The following TOP6BL variants were observed in gnomAD, a reference collection of about 807,000 sequenced individuals.
The protein encoded by TOP6BL is TOP6B like initiator of meiotic double strand breaks.
the TOP6BL span, among the ~76,000 whole-genome samples, chr11:66,757,302 C>G: frequency 6.6e-6 from 1 of 152,004 alleles, no homozygotes; most frequent in African/African-American, 2.4e-5. Context: ...GAGATTGTGC[C>G]ACTTCACTCC....
At chr11:66,772,348 A>G in the TOP6BL span, among the ~76,000 whole-genome samples, 3 of 152,222 alleles carry the variant, frequency 2.0e-5, no homozygotes, top group Non-Finnish European at 2.9e-5. Context: ...CTGCATGCCT[A>G]TAGTCCTAGC....
At chr11:66,788,203 G>T in the TOP6BL span, 6 of 1,613,790 alleles carry the variant, frequency 3.7e-6, no homozygotes, top group African/African-American at 6.7e-5. Flanking sequence ...AGCTGACTTG[G>T]ACTTCAGAGG....
the TOP6BL span, among the ~76,000 whole-genome samples, chr11:66,827,966 G>GAAAAAAAA: frequency 6.6e-5 from 2 of 30,116 alleles, no homozygotes; most frequent in African/African-American, 1.1e-4. Context: ...CTCTGTCTCA[G>GAAAAAAAA]AAAAAAAAAA....
At chr11:66,836,724 G>A in the TOP6BL span, among the ~76,000 whole-genome samples, 3 of 109,532 alleles carry the variant, frequency 2.7e-5, no homozygotes, top group African/African-American at 1.0e-4. Flanking sequence ...TTTTTGAGAT[G>A]GAGTCTTGCC....
At chr11:66,748,439 C>T in the TOP6BL span, 2 of 1,547,874 alleles carry the variant, frequency 1.3e-6, no homozygotes, top group Non-Finnish European at 1.7e-6. Flanking sequence ...GGGAGCATTG[C>T]TAGAAGGGCA....
chr11:66,769,204 A>G, the TOP6BL span, among the ~76,000 whole-genome samples: 2 of 152,208 alleles, frequency 1.3e-5, no homozygotes, highest in East Asian at 3.8e-4. Flanking sequence ...ATTCTGAAAA[A>G]TGGTCAGATG....
chr11:66,801,209 G>T, the TOP6BL span: 1 of 1,161,954 alleles, frequency 8.6e-7, no homozygotes, highest in Non-Finnish European at 1.3e-6. Context: ...TAAGTGCCAG[G>T]TGTCAGCTTC....
the TOP6BL span, among the ~76,000 whole-genome samples, chr11:66,834,619 C>T: frequency 6.6e-6 from 1 of 152,096 alleles, no homozygotes; most frequent in Non-Finnish European, 1.5e-5. Flanking sequence ...AGTGTGTATT[C>T]AGAGTGAACA....
chr11:66,807,312 C>T, the TOP6BL span, among the ~76,000 whole-genome samples: 2 of 152,208 alleles, frequency 1.3e-5, no homozygotes, highest in Non-Finnish European at 1.5e-5. Context: ...TGGCTCACGC[C>T]TGTAATCCCA....
chr11:66,792,733 A>C, the TOP6BL span, among the ~76,000 whole-genome samples: 1 of 152,178 alleles, frequency 6.6e-6, no homozygotes, highest in Non-Finnish European at 1.5e-5. Context: ...GTAGTCAGTA[A>C]ATATCATCAT....
At chr11:66,838,032 G>A in the TOP6BL span, among the ~76,000 whole-genome samples, 1 of 152,210 alleles carries the variant, frequency 6.6e-6, no homozygotes, top group Admixed American at 6.5e-5. Context: ...GATTTAGGGT[G>A]TAGAAAATGG....
At chr11:66,762,764 C>T in the TOP6BL span, among the ~76,000 whole-genome samples, 1 of 152,140 alleles carries the variant, frequency 6.6e-6, no homozygotes, top group Non-Finnish European at 1.5e-5. Context: ...CCACCGCGCC[C>T]GGCCAATACC....
chr11:66,828,073 T>C, the TOP6BL span, among the ~76,000 whole-genome samples: 4 of 151,394 alleles, frequency 2.6e-5, no homozygotes, highest in South Asian at 8.3e-4. Flanking sequence ...GAGCCACAAC[T>C]GCCTGTCTTA....
chr11:66,830,025 ACAGT>A, the TOP6BL span, among the ~76,000 whole-genome samples: 56 of 152,352 alleles, frequency 3.7e-4, no homozygotes, highest in African/African-American at 1.3e-3. Flanking sequence ...ATAAGCAGAG[ACAGT>A]CAGAACAATG....
At chr11:66,758,523 C>T in the TOP6BL span, 1 of 151,934 alleles carries the variant, frequency 6.6e-6, no homozygotes, top group South Asian at 2.1e-4. Flanking sequence ...ACCGTGTTAG[C>T]CAGGATGGTC....
chr11:66,804,789 A>G, the TOP6BL span, among the ~76,000 whole-genome samples: 1 of 151,698 alleles, frequency 6.6e-6, no homozygotes, highest in Non-Finnish European at 1.5e-5. Context: ...TACAAAAATT[A>G]GGCCGGGCGT....
the TOP6BL span, chr11:66,771,400 G>C: frequency 6.6e-6 from 1 of 152,162 alleles, no homozygotes; most frequent in Non-Finnish European, 1.5e-5. Context: ...GGATCATGAG[G>C]TCAGGAGATT....
At chr11:66,745,052 G>A in the TOP6BL span, 4 of 947,354 alleles carry the variant, frequency 4.2e-6, no homozygotes, top group Non-Finnish European at 5.5e-6. Context: ...ATCGAGGCCC[G>A]TCTCCCACGG....
the TOP6BL span, chr11:66,843,466 T>A: frequency 2.8e-6 from 4 of 1,414,764 alleles, no homozygotes; most frequent in Non-Finnish European, 3.6e-6. Context: ...ATGGCGGCGC[T>A]GGGCGGGGAT....
Sources: allele counts gnomAD v4.1 joint callset (sites outside exome capture counted in the v4.1 genomes callset), GRCh38; gene constraint gnomAD v4.1.1; transcripts MANE v1.5; gene names NCBI Gene and HGNC (gene_info 2026-07-23, HGNC 2026-07-21).